Variants in RARB observed in about 807,000 individuals in gnomAD.
RARB encodes retinoic acid receptor beta, also known as HBV-activated protein.
RARB carries 17 observed loss-of-function variants against 51.9 expected under a neutral mutation model. That is an observed-to-expected ratio of 0.33 (90% CI 0.22 to 0.49). RARB has a LOEUF of 0.49. Among genes scored for constraint, RARB ranks in the 20% least tolerant of loss-of-function variants. The probability of loss-of-function intolerance (pLI) is 0.99; values close to 1 mark genes in which losing one functional copy is unlikely to be tolerated. For missense variants in RARB, 369 were observed against 550.8 expected, an observed-to-expected ratio of 0.67 and a Z score of 3.30; for synonymous variants, 215 against 195.4, an observed-to-expected ratio of 1.10 and a Z score of -0.84.
intron 2 of RARB, among the ~76,000 whole-genome samples, chr3:24,937,034 C>G (rs1414779789): frequency 1.3e-5 from 2 of 152,114 alleles, no homozygotes; most frequent in Non-Finnish European, 2.9e-5. Context: ...AAAAATGAAA[C>G]TTTTGTGACT....
chr3:24,974,132 C>T (rs1283407921), intron 2 of RARB, among the ~76,000 whole-genome samples: 3 of 151,818 alleles, frequency 2.0e-5, no homozygotes. Flanking sequence ...TCTTTCTATA[C>T]CCAGTTTTTT....
At chr3:25,188,684 ATTAC>A (rs1445293198) in intron 5 of RARB, among the ~76,000 whole-genome samples, 3 of 152,110 alleles carry the variant, frequency 2.0e-5, no homozygotes, top group Non-Finnish European at 4.4e-5. Context: ...TGTTGTTATT[ATTAC>A]TATCTATAAT....
intron 2 of RARB, among the ~76,000 whole-genome samples, chr3:25,048,417 C>T (rs1231058508): frequency 2.0e-5 from 3 of 152,170 alleles, no homozygotes; most frequent in African/African-American, 7.2e-5. Flanking sequence ...CACAACTTTC[C>T]TATATGAATA....
chr3:24,854,238 A>G (rs1274663559), intron 1 of RARB, among the ~76,000 whole-genome samples: 2 of 152,204 alleles, frequency 1.3e-5, no homozygotes, highest in Admixed American at 1.3e-4. Context: ...TTGGTAGTAA[A>G]TGAGCTGAGG....
intron 1 of RARB, among the ~76,000 whole-genome samples, chr3:25,445,032 C>G (rs755366632): frequency 1.6e-4 from 25 of 152,182 alleles, no homozygotes; most frequent in Admixed American, 7.8e-4. Flanking sequence ...TCAGTGCAAC[C>G]TCCGCCTCCC....
At chr3:25,534,787 A>C (rs573562209) in intron 3 of RARB, among the ~76,000 whole-genome samples, 1 of 152,054 alleles carries the variant, frequency 6.6e-6, no homozygotes. Flanking sequence ...CATCATCTTT[A>C]ACTAAAAGAT....
At chr3:25,315,759 A>G (rs1375186235) in intron 5 of RARB, among the ~76,000 whole-genome samples, 2 of 151,122 alleles carry the variant, frequency 1.3e-5, no homozygotes, top group Admixed American at 6.6e-5. Flanking sequence ...AATTACAGGC[A>G]TGCACCACCA....
chr3:24,942,881 G>C (rs1391013394), intron 2 of RARB, among the ~76,000 whole-genome samples: 1 of 152,076 alleles, frequency 6.6e-6, no homozygotes, highest in Non-Finnish European at 1.5e-5. Context: ...CCATCATTTA[G>C]CTATTTTTTA....
chr3:25,418,737 G>T (rs1465084178), intron 5 of RARB, among the ~76,000 whole-genome samples: 2 of 152,144 alleles, frequency 1.3e-5, no homozygotes, highest in African/African-American at 2.4e-5. Flanking sequence ...CGAAGAGAAG[G>T]ATGGGGTCAG....
At chr3:25,276,669 T>C (rs1331462112) in intron 5 of RARB, among the ~76,000 whole-genome samples, 3 of 152,202 alleles carry the variant, frequency 2.0e-5, no homozygotes, top group Admixed American at 6.5e-5. Context: ...ATAGACATAA[T>C]GGGCTGAACA....
At chr3:25,541,346 TTC>T (rs779015511) in intron 3 of RARB, among the ~76,000 whole-genome samples, 42 of 152,186 alleles carry the variant, frequency 2.8e-4, no homozygotes, top group African/African-American at 9.2e-4. Flanking sequence ...TTTTCTCTCC[TTC>T]TCTCTCTCAG....
In RARB at chr3:25,060,971, A is replaced by G. The variant is rs1698537451; in HGVS notation, c.-328+795A>G. Among the ~76,000 whole-genome samples, 7 of 151,880 alleles carry G rather than the reference A, an allele frequency of 4.6e-5. 1 individual carries two copies. The South Asian group carries it at 1.2e-3, about 27-fold the overall frequency. On this transcript the variant is annotated intron_variant, in intron 3 of 11. Transcript: ENST00000383772. ...ATTTGTGTAAGGAAGAAGTGGCCAA[A>G]TTTACTTTATCTCAACAACTCAAAG...
rs534878235 is a variant in RARB at position 25,161,590 on chromosome 3, C to T, written c.-279-12529C>T. On this transcript the variant is annotated intron_variant, in intron 4 of 11. Coordinates refer to the RARB transcript ENST00000383772. ...TCTCCACTGGCTCACAAATGTAAAACACTCAAGATTCTCTTCCACTGGCTC... is the reference window on the plus strand; with the variant it reads ...TCTCCACTGGCTCACAAATGTAAAATACTCAAGATTCTCTTCCACTGGCTC... Among the ~76,000 whole-genome samples, 36 of 152,218 alleles carry T rather than the reference C, an allele frequency of 2.4e-4. No individual in the cohort carries two copies. The South Asian group carries it at 7.1e-3, about 30-fold the overall frequency.
At chr3:25,459,793 A>G (rs1695084095) in intron 1 of RARB, among the ~76,000 whole-genome samples, 1 of 152,222 alleles carries the variant, frequency 6.6e-6, no homozygotes, top group African/African-American at 2.4e-5. Context: ...TGGAAACTTT[A>G]TATTCTGGGA....
chr3:25,440,434 G>A (rs114120291), intron 1 of RARB, among the ~76,000 whole-genome samples: 1,667 of 150,786 alleles, frequency 0.011, 28 homozygotes, highest in African/African-American at 0.038. Context: ...GCAACAGAGG[G>A]AGATCCTGTC....
intron 3 of RARB, among the ~76,000 whole-genome samples, chr3:25,100,933 C>G (rs1699388102): frequency 6.6e-6 from 1 of 152,104 alleles, no homozygotes; most frequent in Non-Finnish European, 1.5e-5. Flanking sequence ...GGCTCTTAGC[C>G]CTACACTCGG....
chr3:24,916,266 AAG>A (rs1247045719), intron 2 of RARB, among the ~76,000 whole-genome samples: 1 of 152,098 alleles, frequency 6.6e-6, no homozygotes, highest in Non-Finnish European at 1.5e-5. Flanking sequence ...CAAAAAGAGA[AAG>A]AAAGTTGAAA....
At chr3:25,552,068 A>G (rs1411034214) in intron 3 of RARB, among the ~76,000 whole-genome samples, 1 of 152,176 alleles carries the variant, frequency 6.6e-6, no homozygotes, top group Non-Finnish European at 1.5e-5. Flanking sequence ...AAACCTGGTT[A>G]TGAACAAGAG....
Position 25,572,845 on chromosome 3 carries a change from G to A in RARB, c.609+2927G>A, listed in dbSNP as rs151325967. Reference sequence around the variant, plus strand: ...CCAGGTGGTATCTTAGCATAGCCAAGTCAATCCCCAGACCCTGACTCACCT... The same window carrying A: ...CCAGGTGGTATCTTAGCATAGCCAAATCAATCCCCAGACCCTGACTCACCT... On this transcript the variant is annotated intron_variant, in intron 4 of 7. Coordinates refer to ENST00000330688, the MANE Select transcript of RARB (RefSeq NM_000965.5). 1.5e-3 allele frequency among the ~76,000 whole-genome samples: 233 copies of A among 152,224 alleles called. 3 individuals are homozygous for A. The East Asian group carries it at 0.039, about 25-fold the overall frequency.
Sources: gnomAD v4.1 joint callset for allele counts (sites outside exome capture counted in the v4.1 genomes callset) on GRCh38, gnomAD v4.1.1 for gene constraint, MANE v1.5 for transcripts, NCBI Gene and HGNC (gene_info 2026-07-23, HGNC 2026-07-21) for gene names.